The following SLC25A26 variants were observed in gnomAD, a reference collection of about 807,000 sequenced individuals.
SLC25A26 encodes solute carrier family 25 member 26.
A neutral mutation model predicts 37.8 loss-of-function variants in SLC25A26; 36 were observed. That is an observed-to-expected ratio of 0.95 (90% CI 0.73 to 1.26). The LOEUF (loss-of-function observed/expected upper bound fraction) is 1.26, where lower values mean the gene tolerates loss of function less well. SLC25A26 is among the 50% of genes most tolerant of loss of function. The pLI, the probability that SLC25A26 is intolerant of heterozygous loss-of-function variation, is 0.00. For synonymous variants in SLC25A26, 129 were observed against 122.5 expected (o/e 1.05, Z -0.35); for missense variants, 390 against 331.1 (o/e 1.18, Z -1.38).
intron 5 of SLC25A26, among the ~76,000 whole-genome samples, chr3:66,290,968 A>G (rs2074685746): frequency 6.6e-6 from 1 of 152,150 alleles, no homozygotes; most frequent in African/African-American, 2.4e-5. Context: ...TTTGTAGGCT[A>G]TTAATTACTT....
chr3:66,296,565 G>A (rs2074908579), intron 5 of SLC25A26, among the ~76,000 whole-genome samples: 1 of 152,182 alleles, frequency 6.6e-6, no homozygotes, highest in African/African-American at 2.4e-5. Context: ...TAGGGAGTAT[G>A]TGTTCATATG....
chr3:66,171,132 T>C (rs1052387761), intron 1 of SLC25A26, among the ~76,000 whole-genome samples: 9 of 152,196 alleles, frequency 5.9e-5, no homozygotes, highest in African/African-American at 2.2e-4. Context: ...AAACATTACT[T>C]TGTGTTAGAA....
chr3:66,325,104 A>T (rs1402163009), intron 5 of SLC25A26, among the ~76,000 whole-genome samples: 1 of 152,134 alleles, frequency 6.6e-6, no homozygotes, highest in Admixed American at 6.5e-5. Context: ...CCCTTGCCTT[A>T]TCTTGGTCTC....
chr3:66,239,114 G>T (rs1045910761), intron 2 of SLC25A26, among the ~76,000 whole-genome samples: 1 of 152,082 alleles, frequency 6.6e-6, no homozygotes, highest in Non-Finnish European at 1.5e-5. Flanking sequence ...TTCTTTTCTG[G>T]CATTCCTTCT....
In SLC25A26 at chr3:66,331,040, A is replaced by G. The variant is rs951734867; in HGVS notation, c.454-15324A>G. 4.6e-5 allele frequency among the ~76,000 whole-genome samples: 7 copies of G among 152,010 alleles called. No homozygotes were observed. The South Asian group carries it at 6.2e-4, about 13-fold the overall frequency. On this transcript the variant is annotated intron_variant, in intron 5 of 9. Coordinates refer to ENST00000354883, the MANE Select transcript of SLC25A26 (RefSeq NM_001379210.1). Reference sequence around the variant, plus strand: ...GATATTATTTACATATATGGAAACTATCTCTTCTTTTAAGAGAGCCTTATT... The same window carrying G: ...GATATTATTTACATATATGGAAACTGTCTCTTCTTTTAAGAGAGCCTTATT...
At chr3:66,369,796 ACT>A (rs1009259881) in intron 8 of SLC25A26, among the ~76,000 whole-genome samples, 2 of 152,012 alleles carry the variant, frequency 1.3e-5, no homozygotes, top group East Asian at 1.9e-4. Context: ...CTTCAAATAA[ACT>A]CTGTTTTTAC....
intron 1 of SLC25A26, among the ~76,000 whole-genome samples, chr3:66,184,097 C>T (rs1050713063): frequency 6.6e-6 from 1 of 152,016 alleles, no homozygotes; most frequent in Non-Finnish European, 1.5e-5. Flanking sequence ...CTGCTCCACA[C>T]CCTCCCCGTG....
Position 66,236,529 on chromosome 3 carries a change from CTTTTT to C in SLC25A26, c.34-10_34-6del. 1 of 1,382,380 alleles carries C rather than the reference CTTTTT, an allele frequency of 7.2e-7. No homozygotes were observed. The highest frequency in any genetic ancestry group is 2.6e-5 in the East Asian group (1 of 38,094). The allele number at this position is 1,382,380 out of a possible 1,614,324, so 85.6% of individuals were successfully genotyped here. A position where few individuals can be genotyped will look rare whatever the true frequency, so the allele number is the denominator to read the frequency against. ...CCTTTTTTTTTTCTTTTTCTTCCCT[CTTTTT>C]TTTTCAAAGGCTGGTGGGGTAGCAG... On this transcript the variant is annotated splice_polypyrimidine_tract_variant and intron_variant, in intron 1 of 9. Coordinates refer to ENST00000354883, the MANE Select transcript of SLC25A26 (RefSeq NM_001379210.1).
At chr3:66,289,384 T>C (rs531647998) in intron 5 of SLC25A26, among the ~76,000 whole-genome samples, 95 of 152,342 alleles carry the variant, frequency 6.2e-4, no homozygotes, top group Middle Eastern at 3.4e-3. Context: ...GTTTTAGTCA[T>C]GAAGTCTTTG....
intron 5 of SLC25A26, among the ~76,000 whole-genome samples, chr3:66,276,667 A>C (rs2074159633): frequency 6.6e-6 from 1 of 152,040 alleles, no homozygotes; most frequent in Admixed American, 6.6e-5. Flanking sequence ...ATATGTTCTG[A>C]GAAACAGTAG....
intron 1 of SLC25A26, among the ~76,000 whole-genome samples, chr3:66,187,574 C>G (rs1463986753): frequency 2.6e-5 from 4 of 152,146 alleles, no homozygotes; most frequent in Admixed American, 1.3e-4. Context: ...GAACTTTACC[C>G]TGAACCTTAA....
At chr3:66,210,490 T>G (rs2071269595) in intron 1 of SLC25A26, among the ~76,000 whole-genome samples, 2 of 151,958 alleles carry the variant, frequency 1.3e-5, no homozygotes, top group African/African-American at 4.8e-5. Flanking sequence ...GCAAATGTCC[T>G]GAGGCTGAAG....
chr3:66,357,498 T>C (rs1171189312), intron 6 of SLC25A26, among the ~76,000 whole-genome samples: 2 of 152,186 alleles, frequency 1.3e-5, no homozygotes, highest in African/African-American at 4.8e-5. Flanking sequence ...ATGTGGCCCC[T>C]TGCTTTTTAA....
intron 1 of SLC25A26, among the ~76,000 whole-genome samples, chr3:66,158,647 T>G (rs1219256001): frequency 2.0e-5 from 3 of 152,214 alleles, no homozygotes; most frequent in Admixed American, 6.5e-5. Flanking sequence ...GGGCTGGTTA[T>G]TCACGCAGGC....
intron 5 of SLC25A26, among the ~76,000 whole-genome samples, chr3:66,306,523 A>T (rs2107582173): frequency 6.6e-6 from 1 of 151,326 alleles, no homozygotes; most frequent in East Asian, 1.9e-4. Context: ...AGTTCTGGGG[A>T]TACATGTGCA....
intron 1 of SLC25A26, among the ~76,000 whole-genome samples, chr3:66,191,827 G>A (rs1050237368): frequency 6.6e-6 from 1 of 151,754 alleles, no homozygotes; most frequent in African/African-American, 2.4e-5. Flanking sequence ...GGAGGTGGAG[G>A]TTGCGGTGAG....
At chr3:66,230,529 C>T (rs1335365188) in intron 1 of SLC25A26, among the ~76,000 whole-genome samples, 6 of 151,880 alleles carry the variant, frequency 4.0e-5, no homozygotes, top group African/African-American at 1.2e-4. Flanking sequence ...TTAGGCCGGG[C>T]GTGGTGGCTT....
intron 5 of SLC25A26, among the ~76,000 whole-genome samples, chr3:66,334,006 C>G (rs1056383824): frequency 2.0e-5 from 3 of 152,112 alleles, no homozygotes; most frequent in Admixed American, 2.0e-4. Context: ...GTGACTCTTT[C>G]TGGAATCTTT....
intron 1 of SLC25A26, among the ~76,000 whole-genome samples, chr3:66,161,255 C>A (rs926183394): frequency 6.6e-6 from 1 of 151,974 alleles, no homozygotes; most frequent in Non-Finnish European, 1.5e-5. Context: ...AAGTGGTGAC[C>A]AACTTTTTCC....
Sources: gnomAD v4.1 joint callset for allele counts (sites outside exome capture counted in the v4.1 genomes callset) on GRCh38, gnomAD v4.1.1 for gene constraint, MANE v1.5 for transcripts, NCBI Gene and HGNC (gene_info 2026-07-23, HGNC 2026-07-21) for gene names.